CR2: variants seen among roughly 807,000 people sequenced by gnomAD.
CR2 encodes complement receptor type 2.
In CR2, 96 loss-of-function variants were observed where a neutral mutation model predicts 123.0. That is an observed-to-expected ratio of 0.78 (90% CI 0.66 to 0.93). The LOEUF is 0.93. CR2 is among the 40% of genes least tolerant of loss of function. The pLI, the probability that CR2 is intolerant of heterozygous loss-of-function variation, is 0.00. For missense variants in CR2, 1,258 were observed against 1,361.0 expected, an observed-to-expected ratio of 0.92 and a Z score of 1.19; for synonymous variants, 484 against 469.5, an observed-to-expected ratio of 1.03 and a Z score of -0.40.
At chr1:207,463,282 C>T (rs1430415466) in intron 1 of CR2, among the ~76,000 whole-genome samples, 2 of 152,138 alleles carry the variant, frequency 1.3e-5, no homozygotes, top group African/African-American at 4.8e-5. Flanking sequence ...ACCAGAACAG[C>T]AGTTCCAACC....
intron 17 of CR2, 22 bp from the exon 18 acceptor site, chr1:207,479,956 A>G: frequency 6.3e-7 from 1 of 1,587,408 alleles, no homozygotes; most frequent in Non-Finnish European, 8.7e-7. Flanking sequence ...GGCATTTGAT[A>G]CTTGCTGGAT....
Position 207,472,909 on chromosome 1 carries a change from G to T in CR2, c.1708G>T (p.Gly570Ter). ...AAGAGGAGTGGAATTCAGCCTCATT[G>T]GAGAGAGCACCATCCGTTGTACAAG... Reference protein sequence around the residue: ...PERGVEFSLIGESTIRCTSND... With the variant: ...PERGVEFSLI The change falls in exon 10 of 20, where the codon GGA becomes TGA. Residue 570 changes from glycine to a stop codon, truncating the protein, a stop_gained. Coordinates refer to ENST00000367057, the MANE Select transcript of CR2 (RefSeq NM_001006658.3). LOFTEE classifies it high-confidence loss of function. 1 of 1,614,050 alleles carries T rather than the reference G, an allele frequency of 6.2e-7. No individual in the cohort carries two copies. The highest frequency in any genetic ancestry group is 8.5e-7 in the Non-Finnish European group (1 of 1,179,970).
intron 18 of CR2, among the ~76,000 whole-genome samples, chr1:207,484,375 G>A (rs954087367): frequency 6.6e-6 from 1 of 152,090 alleles, no homozygotes; most frequent in Non-Finnish European, 1.5e-5. Context: ...TCCAATAATT[G>A]ATAAAGACAC....
At chr1:207,467,999 GA>G (rs1406982229) in intron 2 of CR2, among the ~76,000 whole-genome samples, 1 of 152,108 alleles carries the variant, frequency 6.6e-6, no homozygotes, top group African/African-American at 2.4e-5. Context: ...GATAGGGTGA[GA>G]ATATAGGTGA....
rs1021531705 is a variant in CR2, at chr1:207,470,714, T to C, written c.1226-26T>C. 26 of 1,608,976 alleles carry C rather than the reference T, an allele frequency of 1.6e-5. No individual in the cohort carries two copies. The Admixed American group carries it at 2.0e-4, about 12-fold the overall frequency. On this transcript the variant is annotated intron_variant, in intron 6 of 19. Coordinates refer to ENST00000367057, the MANE Select transcript of CR2 (RefSeq NM_001006658.3). ...CTGTGGTTGTTTACTTAAGCAGTTA[T>C]GTTTTGTTTTTGTCCTTTCATTTAG...
In CR2 at chr1:207,463,824, A is replaced by G. The variant is rs190931559; in HGVS notation, c.59-2702A>G. 3.1e-4 allele frequency among the ~76,000 whole-genome samples: 47 copies of G among 152,174 alleles called. No individual in the cohort carries two copies. In the Middle Eastern group the frequency reaches 0.014, roughly 44 times the overall value. ...TGGGATAATGACATGCCTTTTAATG[A>G]ATGTAAGTAAAACAATCTCTTTATT... On this transcript the variant is annotated intron_variant, in intron 1 of 19. Coordinates refer to ENST00000367057, the MANE Select transcript of CR2 (RefSeq NM_001006658.3).
At position 207,468,585 on chromosome 1, in the gene CR2, G is replaced by A. The variant is rs1204377611; in HGVS notation, c.504G>A (p.Glu168=). Residue 168 remains glutamate, a synonymous_variant, in exon 3 of 20, where the codon GAG becomes GAA. Transcript: ENST00000367057. ...TCCACAATGGACATCACACAAGTGA[G>A]AATGTTGGCTCCATTGCTCCAGGAT... is the stretch of plus-strand genomic sequence containing the variant. The part of the protein sequence containing the change: ...PMIHNGHHTS[E]NVGSIAPGLS... The A allele has an allele frequency of 4.3e-6, 7 of 1,614,046 alleles. No homozygotes were observed. Among genetic ancestry groups the A allele is most frequent in the Non-Finnish European group, 5.9e-6 (7 of 1,179,966 alleles).
Position 207,483,522 on chromosome 1 carries a change from T to A in CR2, c.3189-1942T>A, listed in dbSNP as rs1658663167. On this transcript the variant is annotated intron_variant, in intron 18 of 19. Coordinates refer to ENST00000367057, the MANE Select transcript of CR2 (RefSeq NM_001006658.3). Reference sequence around the variant, plus strand: ...ATGACTTCAGAAAAAAAGGGTGTTCTATGGCAAATAAGATTTGGACATACT... The same window carrying A: ...ATGACTTCAGAAAAAAAGGGTGTTCAATGGCAAATAAGATTTGGACATACT... Among the ~76,000 whole-genome samples the A allele has an allele frequency of 2.6e-5, 4 of 151,420 alleles. No homozygotes were observed. The Admixed American group carries it at 2.7e-4, about 10-fold the overall frequency.
In CR2 at chr1:207,473,661, A is replaced by G. The variant is rs1658352142; in HGVS notation, c.2095A>G (p.Asn699Asp). ...TGACCCTGGCTATTTGCTTGTGGGA[A>G]ACAAATCCATTCACTGTATGCCTTC... Reference protein sequence around the residue: ...TCDPGYLLVGNKSIHCMPSGN... With the variant: ...TCDPGYLLVGDKSIHCMPSGN... The change falls in exon 11 of 20, where the codon AAC becomes GAC. Residue 699 changes from asparagine (N) to aspartate (D), a missense_variant. Asn to Asp is a conservative substitution (Grantham distance 23). Transcript: ENST00000367057. 1 of 1,613,876 alleles carries G rather than the reference A, an allele frequency of 6.2e-7. No individual in the cohort carries two copies. Among genetic ancestry groups the G allele is most frequent in the African/African-American group, 1.3e-5 (1 of 74,904 alleles).
Position 207,489,427 on chromosome 1 carries a change from G to A in CR2, c.*304G>A, listed in dbSNP as rs1658829721. 1 of 152,176 alleles carries A rather than the reference G, an allele frequency of 6.6e-6. No individual in the cohort carries two copies. The highest frequency in any genetic ancestry group is 6.5e-5 in the Admixed American group (1 of 15,274). The allele number at this position is 152,176 out of a possible 1,614,324, so 9.4% of individuals were successfully genotyped here. The stretch of plus-strand genomic sequence containing the variant: ...TCTAAAAAGTTTTGCCCTTTTTAAG[G>A]AAGGCACTAAAAAGAGCTGTCCTGG... On this transcript the variant is annotated 3_prime_UTR_variant, in exon 20 of 20. Coordinates refer to ENST00000367057, the MANE Select transcript of CR2 (RefSeq NM_001006658.3).
At chr1:207,482,232 A>G (rs1658623615) in intron 18 of CR2, among the ~76,000 whole-genome samples, 2 of 152,174 alleles carry the variant, frequency 1.3e-5, no homozygotes, top group Admixed American at 6.5e-5. Flanking sequence ...ATCACTATAA[A>G]TATTTGCATA....
intron 18 of CR2, among the ~76,000 whole-genome samples, chr1:207,482,753 T>C (rs1658639371): frequency 6.6e-6 from 1 of 152,116 alleles, no homozygotes. Flanking sequence ...GGAAGAGATG[T>C]TTCAGGTGAG....
chr1:207,471,200 T>C (rs1360481139), intron 8 of CR2, 113 bp downstream of exon 8: 7 of 1,107,420 alleles, frequency 6.3e-6, no homozygotes, highest in Non-Finnish European at 9.7e-6. Context: ...AGAGTTTGTC[T>C]CATAGGTGCT....
chr1:207,468,717 T>C lies in CR2; in HGVS notation c.634+2T>C, dbSNP rs1445021935. 1 of 1,613,864 alleles carries C rather than the reference T, an allele frequency of 6.2e-7. No homozygotes were observed. Among genetic ancestry groups the C allele is most frequent in the Non-Finnish European group, 8.5e-7 (1 of 1,179,886 alleles). On this transcript the variant is annotated splice_donor_variant, in intron 3 of 19. Transcript: ENST00000367057. LOFTEE classifies it high-confidence loss of function. ...GTGCTGTCCCCCCCACATGTGAAGG[T>C]ACCCTAAATTTACAATCTATTTTAA...
rs375253183 is a variant in CR2, at chr1:207,468,732, A to G, written c.634+17A>G. ...CATGTGAAGGTACCCTAAATTTACA[A>G]TCTATTTTAAGAATCTGGGCTGTTC... On this transcript the variant is annotated intron_variant, in intron 3 of 19. Coordinates refer to ENST00000367057, the MANE Select transcript of CR2 (RefSeq NM_001006658.3). 10 of 1,613,834 alleles carry G rather than the reference A, an allele frequency of 6.2e-6. No homozygotes were observed. In the African/African-American group the frequency reaches 1.3e-4, roughly 22 times the overall value.
Position 207,466,786 on chromosome 1 carries a change from C to T in CR2, c.319C>T (p.Pro107Ser). 1 of 1,614,126 alleles carries T rather than the reference C, an allele frequency of 6.2e-7. No individual in the cohort carries two copies. The highest frequency in any genetic ancestry group is 8.5e-7 in the Non-Finnish European group (1 of 1,179,996). ...AGGATACAAAATTAGAGGCTCTACA[C>T]CCTACAGACATGGTGATTCTGTGAC... ...PGGYKIRGST[P>S]YRHGDSVTFA... The change falls in exon 2 of 20, where the codon CCC becomes TCC. Residue 107 changes from proline (P) to serine (S), a missense_variant. Transcript: ENST00000367057.
In CR2 at chr1:207,470,787, C is replaced by T; in HGVS notation, c.1273C>T (p.His425Tyr). 2 of 1,613,910 alleles carry T rather than the reference C, an allele frequency of 1.2e-6. No individual in the cohort carries two copies. The highest frequency in any genetic ancestry group is 1.7e-6 in the Non-Finnish European group (2 of 1,179,882). The change falls in exon 7 of 20, where the codon CAC (histidine) becomes TAC (tyrosine). Residue 425 changes from histidine to tyrosine, a missense_variant. Transcript: ENST00000367057. ...NILNGQKEDRHMVRFDPGTSI... is the reference protein window; with the variant it reads ...NILNGQKEDRYMVRFDPGTSI... ...CCTCAATGGGCAAAAGGAAGATAGA[C>T]ACATGGTCCGCTTTGACCCTGGAAC...
intron 1 of CR2, among the ~76,000 whole-genome samples, chr1:207,463,717 G>T (rs1658020969): frequency 6.6e-6 from 1 of 152,106 alleles, no homozygotes; most frequent in Non-Finnish European, 1.5e-5. Flanking sequence ...TGTGCCGCGA[G>T]ATTTCTTATC....
chr1:207,475,125 C>A lies in CR2; in HGVS notation c.2625C>A (p.Cys875Ter), dbSNP rs751868289. The A allele has an allele frequency of 6.3e-5, 101 of 1,612,178 alleles. No homozygotes were observed. The highest frequency in any genetic ancestry group is 8.4e-5 in the Non-Finnish European group (99 of 1,179,166). ...ACAATGACATAGTGTATGTTGACTG[C>A]AATCCTGGCTTCATCATGAATGGTA... The part of the protein sequence containing the change: ...YSHNDIVYVD[C>*]NPGFIMNGSR... Residue 875 changes from cysteine (C) to a stop codon, truncating the protein, a stop_gained, in exon 14 of 20, where the codon TGC (cysteine) becomes TGA (stop). Coordinates refer to ENST00000367057, the MANE Select transcript of CR2 (RefSeq NM_001006658.3). LOFTEE classifies it high-confidence loss of function.
Sources: allele counts gnomAD v4.1 joint callset (sites outside exome capture counted in the v4.1 genomes callset), GRCh38; gene constraint gnomAD v4.1.1; transcripts MANE v1.5; gene names NCBI Gene and HGNC (gene_info 2026-07-23, HGNC 2026-07-21).